KANSL1L: variants seen among roughly 807,000 people sequenced by gnomAD.
The protein encoded by KANSL1L is KAT8 regulatory NSL complex subunit 1 like.
KANSL1L carries 25 observed loss-of-function variants against 108.6 expected under a neutral mutation model. That is an observed-to-expected ratio of 0.23 (90% confidence interval 0.17 to 0.32). KANSL1L has a LOEUF of 0.32. KANSL1L is among the 10% of genes least tolerant of loss of function. The probability of loss-of-function intolerance (pLI) is 1.00; values close to 1 mark genes in which losing one functional copy is unlikely to be tolerated. For missense variants in KANSL1L, 1,137 were observed against 1,125.7 expected, an observed-to-expected ratio of 1.01 and a Z score of -0.14; for synonymous variants, 405 against 395.1, an observed-to-expected ratio of 1.03 and a Z score of -0.30.
intron 2 of KANSL1L, among the ~76,000 whole-genome samples, chr2:210,138,461 T>C (rs2095195502): frequency 6.6e-6 from 1 of 152,028 alleles, no homozygotes; most frequent in African/African-American, 2.4e-5. Context: ...ACCCTGTAAA[T>C]CTAAAATAAA....
At chr2:210,079,244 C>T (rs2094563686) in intron 5 of KANSL1L, among the ~76,000 whole-genome samples, 1 of 151,784 alleles carries the variant, frequency 6.6e-6, no homozygotes, top group East Asian at 1.9e-4. Context: ...TCTATGAAAC[C>T]CTAGAAACTG....
intron 7 of KANSL1L, among the ~76,000 whole-genome samples, chr2:210,041,771 T>A (rs1315438402): frequency 6.6e-6 from 1 of 152,144 alleles, no homozygotes; most frequent in Non-Finnish European, 1.5e-5. Flanking sequence ...AAAAAAATGA[T>A]CTCTTCTTCA....
chr2:210,129,791 T>G (rs1446997021), intron 2 of KANSL1L, among the ~76,000 whole-genome samples: 2 of 152,112 alleles, frequency 1.3e-5, no homozygotes, highest in Admixed American at 1.3e-4. Flanking sequence ...CTTAAAAACC[T>G]GATTCCTAGG....
At chr2:210,053,642 C>G (rs188789249) in intron 6 of KANSL1L, among the ~76,000 whole-genome samples, 2 of 151,648 alleles carry the variant, frequency 1.3e-5, no homozygotes, top group African/African-American at 4.8e-5. Flanking sequence ...TTTTGTAACT[C>G]AAGAAAAATT....
Position 210,150,782 on chromosome 2 carries a change from TAAAAAAAAAAAAA to T in KANSL1L, c.1088+2700_1088+2712del, listed in dbSNP as rs762951836. Among the ~76,000 whole-genome samples, 6 of 116,450 alleles carry T rather than the reference TAAAAAAAAAAAAA, an allele frequency of 5.2e-5. No homozygotes were observed. In the South Asian group the frequency reaches 1.6e-3, roughly 31 times the overall value. The allele number at this position is 116,450 out of a possible 152,430, so 76.4% of individuals were successfully genotyped here. A position where few individuals can be genotyped will look rare whatever the true frequency, so the allele number is the denominator to read the frequency against. On this transcript the variant is annotated intron_variant, in intron 2 of 14. Coordinates refer to ENST00000281772, the MANE Select transcript of KANSL1L (RefSeq NM_152519.4). ...GGGCAACAAGAGCAAAACTCCATCTTAAAAAAAAAAAAAAAGAAAAAAGAAAAAGAAAAAAAGA... is the reference window on the plus strand; with the variant it reads ...GGGCAACAAGAGCAAAACTCCATCTTAAGAAAAAAGAAAAAGAAAAAAAGA...
intron 6 of KANSL1L, among the ~76,000 whole-genome samples, chr2:210,054,694 T>C (rs779744509): frequency 1.3e-5 from 2 of 150,134 alleles, no homozygotes; most frequent in African/African-American, 2.5e-5. Flanking sequence ...ATATTCAACA[T>C]TGCACTAGAA....
intron 4 of KANSL1L, among the ~76,000 whole-genome samples, chr2:210,103,547 C>G (rs1018765389): frequency 1.3e-5 from 2 of 152,032 alleles, no homozygotes; most frequent in African/African-American, 2.4e-5. Context: ...TGTTGGATTT[C>G]CAAGGACAGA....
At chr2:210,161,672 C>A (rs1307001854) in intron 1 of KANSL1L, among the ~76,000 whole-genome samples, 1 of 151,964 alleles carries the variant, frequency 6.6e-6, no homozygotes, top group Non-Finnish European at 1.5e-5. Context: ...ATAATGTGTT[C>A]AAGAGTTCGT....
At chr2:210,165,101 G>A (rs1290434298) in intron 1 of KANSL1L, among the ~76,000 whole-genome samples, 1 of 150,642 alleles carries the variant, frequency 6.6e-6, no homozygotes, top group Admixed American at 6.6e-5. Flanking sequence ...TCCTGACCTC[G>A]TGATCTGCCC....
intron 6 of KANSL1L, among the ~76,000 whole-genome samples, chr2:210,050,887 G>T (rs1360625010): frequency 1.3e-5 from 2 of 151,968 alleles, no homozygotes; most frequent in African/African-American, 4.8e-5. Flanking sequence ...GGGACTATAG[G>T]TGCACACCAC....
intron 2 of KANSL1L, among the ~76,000 whole-genome samples, chr2:210,141,105 T>C (rs1559595906): frequency 2.0e-5 from 3 of 151,986 alleles, no homozygotes; most frequent in African/African-American, 7.2e-5. Flanking sequence ...ATTTCTTTTC[T>C]TTCCTCTCTT....
At chr2:210,107,318 G>A (rs2094856766) in intron 3 of KANSL1L, among the ~76,000 whole-genome samples, 1 of 151,900 alleles carries the variant, frequency 6.6e-6, no homozygotes, top group South Asian at 2.1e-4. Flanking sequence ...AAATCTAAGA[G>A]AGAAACCATT....
chr2:210,127,800 A>G (rs1156490419), intron 3 of KANSL1L, among the ~76,000 whole-genome samples: 2 of 123,250 alleles, frequency 1.6e-5, no homozygotes. Flanking sequence ...CTCTGCCTCA[A>G]AAAAAAAAAA....
At chr2:210,158,962 CT>C (rs1268279640) in intron 1 of KANSL1L, among the ~76,000 whole-genome samples, 3 of 152,198 alleles carry the variant, frequency 2.0e-5, no homozygotes, top group Non-Finnish European at 4.4e-5. Flanking sequence ...ACACTTATCA[CT>C]AACACTTCTA....
chr2:210,101,366 T>C (rs1017193802), intron 4 of KANSL1L, among the ~76,000 whole-genome samples: 1 of 152,160 alleles, frequency 6.6e-6, no homozygotes, highest in African/African-American at 2.4e-5. Flanking sequence ...TCATCTCAGG[T>C]CCAACCTAAA....
rs551392901 is a variant in KANSL1L at position 210,110,142 on chromosome 2, AC to A, written c.1231-5842del. Among the ~76,000 whole-genome samples, 186 of 152,170 alleles carry A rather than the reference AC, an allele frequency of 1.2e-3. 1 individual carries two copies. The highest frequency in any genetic ancestry group is 4.2e-3 in the African/African-American group (176 of 41,514). On this transcript the variant is annotated intron_variant, in intron 3 of 14. Transcript: ENST00000281772. ...ATTTCTTTCACCCTCTAACCCCTAT[AC>A]CTACCTACATACTCCTTTCTCCCGT...
In KANSL1L at chr2:210,044,738, T is replaced by C. The variant is rs148371065; in HGVS notation, c.1756-634A>G. On this transcript the variant is annotated intron_variant, in intron 6 of 14. Coordinates refer to ENST00000281772, the MANE Select transcript of KANSL1L (RefSeq NM_152519.4). This position sits in a 1 kb window ranked among gnomAD's most constrained non-coding sequence, Gnocchi z 4.2. The stretch of plus-strand genomic sequence containing the variant: ...TACATGACTTTTCTTCTGTACTCTA[T>C]TATAAAGTGACAAATTGCATTAACA... Among the ~76,000 whole-genome samples the C allele has an allele frequency of 3.1e-4, 47 of 152,240 alleles. No homozygotes were observed. The highest frequency in any genetic ancestry group is 8.9e-4 in the African/African-American group (37 of 41,562).
chr2:210,071,887 C>T (rs1485440508), intron 6 of KANSL1L, among the ~76,000 whole-genome samples: 1 of 152,108 alleles, frequency 6.6e-6, no homozygotes, highest in Non-Finnish European at 1.5e-5. Flanking sequence ...TTTGGTTGCA[C>T]ATGGCTGGTA....
chr2:210,160,070 T>C (rs368228445), intron 1 of KANSL1L, among the ~76,000 whole-genome samples: 6 of 152,090 alleles, frequency 3.9e-5, no homozygotes, highest in Admixed American at 1.3e-4. Context: ...ATTCACCATA[T>C]CAATAGACTA....
Sources: gnomAD v4.1 joint callset for allele counts (sites outside exome capture counted in the v4.1 genomes callset) on GRCh38, gnomAD v4.1.1 for gene constraint, Gnocchi (gnomAD v3.1) non-coding constraint, MANE v1.5 for transcripts, NCBI Gene and HGNC (gene_info 2026-07-23, HGNC 2026-07-21) for gene names.